The following VXN variants were observed in gnomAD, a reference collection of about 807,000 sequenced individuals.
VXN encodes the protein uncharacterized protein C8orf46.
A neutral mutation model predicts 23.1 loss-of-function variants in VXN; 7 were observed. The observed-to-expected ratio is 0.30, with a 90% CI of 0.17 to 0.57. The LOEUF is 0.57. VXN is among the 20% of genes least tolerant of loss of function. VXN has a pLI of 0.91. For missense variants in VXN, 238 were observed against 272.6 expected (o/e 0.87, Z 0.89); for synonymous variants, 120 against 105.8 (o/e 1.13, Z -0.83).
chr8:66,496,649 A>G (rs1385667756), intron 2 of VXN, among the ~76,000 whole-genome samples, 157 bp downstream of exon 2: 1 of 152,184 alleles, frequency 6.6e-6, no homozygotes, highest in African/African-American at 2.4e-5. Flanking sequence ...ACTTAACCAA[A>G]ATAATTGACA....
chr8:66,504,664 T>C (rs544020572), intron 2 of VXN, among the ~76,000 whole-genome samples: 3 of 152,236 alleles, frequency 2.0e-5, no homozygotes, highest in Admixed American at 6.5e-5. Context: ...ACTCAGCAGG[T>C]GGTGATGACT....
chr8:66,508,055 C>T (rs1485823871), intron 3 of VXN, among the ~76,000 whole-genome samples: 1 of 152,098 alleles, frequency 6.6e-6, no homozygotes, highest in Non-Finnish European at 1.5e-5. Context: ...GGAGAATTGG[C>T]TGCCTCCAGG....
At chr8:66,500,555 G>A (rs1167685051) in intron 2 of VXN, among the ~76,000 whole-genome samples, 2 of 151,970 alleles carry the variant, frequency 1.3e-5, no homozygotes, top group Non-Finnish European at 2.9e-5. Flanking sequence ...AGATTTAGGG[G>A]GTATGTGTGC....
intron 4 of VXN, among the ~76,000 whole-genome samples, chr8:66,513,173 G>T (rs1421668533): frequency 6.6e-6 from 1 of 152,206 alleles, no homozygotes; most frequent in African/African-American, 2.4e-5. Flanking sequence ...GATGATGGAG[G>T]TGTGAGGGTG....
intron 3 of VXN, among the ~76,000 whole-genome samples, chr8:66,508,207 G>A (rs373236245): frequency 2.0e-5 from 3 of 151,902 alleles, no homozygotes; most frequent in South Asian, 4.2e-4. Flanking sequence ...CCACACCTTC[G>A]ACATGAAACA....
Position 66,513,615 on chromosome 8 carries a change from A to G in VXN, c.418A>G (p.Lys140Glu). 6.2e-7 allele frequency: 1 copy of G among 1,614,104 alleles called. No individual in the cohort carries two copies. The highest frequency in any genetic ancestry group is 8.5e-7 in the Non-Finnish European group (1 of 1,179,998). The change falls in exon 5 of 6, where the codon AAG becomes GAG. Residue 140 changes from lysine (K) to glutamate (E), a missense_variant. Physicochemically the swap from Lys to Glu is moderately conservative, Grantham distance 56. This residue lies in a region of VXN where 223 missense variants were observed against 236.9 expected (regional missense o/e 0.94). Coordinates refer to ENST00000305454, the MANE Select transcript of VXN (RefSeq NM_152765.4). ...GGAGGCGACAGCCATGGGCACAGAG[A>G]AGGGAGCTGTTCTGATGAGAGGGTA... ...SLEATAMGTE[K>E]GAVLMRGSRH... is the part of the protein sequence containing the mutation.
At position 66,505,440 on chromosome 8, in the gene VXN, C is replaced by A. The variant is rs1363444300; in HGVS notation, c.192C>A (p.Arg64=). ...AGCTGCTGCCCCACCGCGGAGACCG[C>A]AGGGACCCTGGCGACCGCCGCAGGT... ...PLELLPHRGD[R]RDPGDRRRFG... Residue 64 remains arginine, a synonymous_variant, in exon 3 of 6, where the codon CGC becomes CGA. Transcript: ENST00000305454. 2.5e-6 allele frequency: 4 copies of A among 1,576,982 alleles called. No homozygotes were observed. The highest frequency in any genetic ancestry group is 3.4e-6 in the Non-Finnish European group (4 of 1,161,950).
chr8:66,502,485 C>A (rs1483981164), intron 2 of VXN, among the ~76,000 whole-genome samples: 1 of 152,166 alleles, frequency 6.6e-6, no homozygotes, highest in Non-Finnish European at 1.5e-5. Context: ...CAGTGGCTCG[C>A]ACCTGTAATC....
In VXN at chr8:66,516,247, C is replaced by T. The variant is rs903599946; in HGVS notation, c.*171C>T. 5 of 503,760 alleles carry T rather than the reference C, an allele frequency of 9.9e-6. No homozygotes were observed. The highest frequency in any genetic ancestry group is 5.3e-4 in the Middle Eastern group (1 of 1,876). The allele number at this position is 503,760 out of a possible 1,614,324, so 31.2% of individuals were successfully genotyped here. A position where few individuals can be genotyped will look rare whatever the true frequency, so the allele number is the denominator to read the frequency against. On this transcript the variant is annotated 3_prime_UTR_variant, in exon 6 of 6. Coordinates refer to ENST00000305454, the MANE Select transcript of VXN (RefSeq NM_152765.4). Reference sequence around the variant, plus strand: ...TAGGGCACAGGAAAGAAATGTCCCTCGAAGGCAATATAAAACTGCCCCTTC... The same window carrying T: ...TAGGGCACAGGAAAGAAATGTCCCTTGAAGGCAATATAAAACTGCCCCTTC...
intron 4 of VXN, among the ~76,000 whole-genome samples, chr8:66,512,034 C>A (rs1415880501): frequency 6.8e-6 from 1 of 146,214 alleles, no homozygotes; most frequent in Non-Finnish European, 1.5e-5. Flanking sequence ...CACTGCACTC[C>A]AGCCTGGGAA....
Position 66,513,619 on chromosome 8 carries a change from G to GTA in VXN, c.422_423insTA (p.Ala142LysfsTer4). On this transcript the variant is annotated frameshift_variant, in exon 5 of 6. Coordinates refer to ENST00000305454, the MANE Select transcript of VXN (RefSeq NM_152765.4). LOFTEE classifies it high-confidence loss of function. ...GCGACAGCCATGGGCACAGAGAAGG[G>GTA]AGCTGTTCTGATGAGAGGGTAAGTG... The GTA allele has an allele frequency of 6.2e-7, 1 of 1,614,130 alleles. No homozygotes were observed. The highest frequency in any genetic ancestry group is 1.1e-5 in the South Asian group (1 of 91,082).
At chr8:66,515,329 C>T (rs1207321563) in intron 5 of VXN, among the ~76,000 whole-genome samples, 1 of 152,200 alleles carries the variant, frequency 6.6e-6, no homozygotes, top group Non-Finnish European at 1.5e-5. Context: ...CTAAGGGGAG[C>T]AGGGGTTAAG....
intron 4 of VXN, among the ~76,000 whole-genome samples, chr8:66,512,577 A>C (rs1464793286): frequency 1.3e-5 from 2 of 151,460 alleles, no homozygotes; most frequent in Non-Finnish European, 2.9e-5. Flanking sequence ...TTTTCAGTTA[A>C]CTCTCCATGT....
chr8:66,500,775 T>A lies in VXN; in HGVS notation c.126+4283T>A, dbSNP rs1045939803. On this transcript the variant is annotated intron_variant, in intron 2 of 5. Transcript: ENST00000305454. ...TAGCTCCCACTTATAAGTGAGGGCA[T>A]GTAGTGTATAGTTTTCAGTTTCTGT... is the stretch of plus-strand genomic sequence containing the variant. Among the ~76,000 whole-genome samples the A allele has an allele frequency of 5.9e-5, 9 of 152,212 alleles. No individual in the cohort carries two copies. The East Asian group carries it at 1.7e-3, about 29-fold the overall frequency.
chr8:66,499,362 A>T (rs904885745), intron 2 of VXN, among the ~76,000 whole-genome samples: 1 of 150,568 alleles, frequency 6.6e-6, no homozygotes, highest in African/African-American at 2.5e-5. Flanking sequence ...CCTCCCAAGT[A>T]TCTGGGACTA....
At position 66,505,359 on chromosome 8, in the gene VXN, T is replaced by C; in HGVS notation, c.127-16T>C. 6 of 1,573,466 alleles carry C rather than the reference T, an allele frequency of 3.8e-6. No homozygotes were observed. The highest frequency in any genetic ancestry group is 5.2e-6 in the Non-Finnish European group (6 of 1,159,790). ...GAGCAGAGGAGTGGGCTAACCGCGT[T>C]TCCCCCGCCCGGCAGGTGGTGATCG... On this transcript the variant is annotated splice_polypyrimidine_tract_variant and intron_variant, in intron 2 of 5. Transcript: ENST00000305454.
rs1309190654 is a variant in VXN, at chr8:66,514,856, C to G, written c.441-1037C>G. On this transcript the variant is annotated intron_variant, in intron 5 of 5. Coordinates refer to ENST00000305454, the MANE Select transcript of VXN (RefSeq NM_152765.4). ...ATGTTGGATGCAAGCAGGCGGGGCTCCAGACTACACTGTCAGCCTGAGCGC... is the reference window on the plus strand; with the variant it reads ...ATGTTGGATGCAAGCAGGCGGGGCTGCAGACTACACTGTCAGCCTGAGCGC... 5.3e-5 allele frequency among the ~76,000 whole-genome samples: 8 copies of G among 152,226 alleles called. No homozygotes were observed. The East Asian group carries it at 1.5e-3, about 29-fold the overall frequency.
chr8:66,510,384 G>A (rs1047519170), intron 4 of VXN: 14 of 493,246 alleles, frequency 2.8e-5, no homozygotes, highest in African/African-American at 6.1e-5. Flanking sequence ...GAGAAATTCC[G>A]CTCTTAGGCA....
intron 4 of VXN, 145 bp from the exon 5 acceptor site, chr8:66,513,395 G>C: frequency 1.3e-6 from 1 of 741,018 alleles, no homozygotes; most frequent in Non-Finnish European, 2.4e-6. Flanking sequence ...AGCCCTCCAG[G>C]GCAGTCCCAC....
Sources: allele counts gnomAD v4.1 joint callset (sites outside exome capture counted in the v4.1 genomes callset), GRCh38; gene constraint gnomAD v4.1.1; regional missense constraint gnomAD v4.1.1; transcripts MANE v1.5; gene names NCBI Gene and HGNC (gene_info 2026-07-23, HGNC 2026-07-21).